AFG2A: variants seen among roughly 807,000 people sequenced by gnomAD.
AFG2A encodes AAA ATPase AFG2A.
At chr4:123,187,111 A>G in the AFG2A span, among the ~76,000 whole-genome samples, 1 of 152,214 alleles carries the variant, frequency 6.6e-6, no homozygotes, top group African/African-American at 2.4e-5. Flanking sequence ...TGTTTTGTAA[A>G]TAAGATAGGT....
chr4:123,086,979 A>G, the AFG2A span, among the ~76,000 whole-genome samples: 9 of 152,262 alleles, frequency 5.9e-5, no homozygotes, highest in Non-Finnish European at 1.0e-4. Context: ...TACTTTGTCC[A>G]TTAGAATCCT....
At chr4:122,970,091 T>A in the AFG2A span, among the ~76,000 whole-genome samples, 4 of 152,344 alleles carry the variant, frequency 2.6e-5, no homozygotes, top group Non-Finnish European at 5.9e-5. Context: ...TATAGTAATG[T>A]CCTGGGCCTT....
At chr4:123,134,450 C>T in the AFG2A span, among the ~76,000 whole-genome samples, 1 of 152,088 alleles carries the variant, frequency 6.6e-6, no homozygotes, top group African/African-American at 2.4e-5. Context: ...TGTCCTATTC[C>T]ATTCGTTGAT....
chr4:122,963,292 G>A, the AFG2A span, among the ~76,000 whole-genome samples: 1 of 152,212 alleles, frequency 6.6e-6, no homozygotes, highest in Non-Finnish European at 1.5e-5. Context: ...GGGAAATACT[G>A]TCATTCAAAG....
the AFG2A span, among the ~76,000 whole-genome samples, chr4:122,994,854 T>G: frequency 3.9e-5 from 6 of 152,296 alleles, no homozygotes; most frequent in South Asian, 1.0e-3. Flanking sequence ...TAAACATTTA[T>G]TTACTCCCAT....
the AFG2A span, among the ~76,000 whole-genome samples, chr4:122,993,421 C>T: frequency 6.6e-6 from 1 of 152,094 alleles, no homozygotes; most frequent in East Asian, 1.9e-4. Flanking sequence ...AATGACTACA[C>T]CAAAGACTTT....
chr4:123,077,046 G>T, the AFG2A span, among the ~76,000 whole-genome samples: 9 of 108,570 alleles, frequency 8.3e-5, no homozygotes, highest in African/African-American at 2.8e-4. Context: ...TCCTGTTGTT[G>T]TTTTTTTTTT....
chr4:122,963,234 GT>G, the AFG2A span, among the ~76,000 whole-genome samples: 2 of 152,186 alleles, frequency 1.3e-5, no homozygotes, highest in African/African-American at 4.8e-5. Context: ...TGGGTGTTAT[GT>G]GAATGATCAG....
At chr4:123,009,155 A>G in the AFG2A span, among the ~76,000 whole-genome samples, 1 of 152,210 alleles carries the variant, frequency 6.6e-6, no homozygotes, top group African/African-American at 2.4e-5. Flanking sequence ...ACACTTCTAG[A>G]TGTCCTTTTC....
At chr4:123,281,470 T>G in the AFG2A span, among the ~76,000 whole-genome samples, 25,590 of 151,956 alleles carry the variant, frequency 0.17, 2,541 homozygotes, top group African/African-American at 0.27. Flanking sequence ...GCCAGTGAGG[T>G]GTTGTCAGAT....
At chr4:123,069,788 A>C in the AFG2A span, among the ~76,000 whole-genome samples, 597 of 152,336 alleles carry the variant, frequency 3.9e-3, no homozygotes, top group African/African-American at 0.014. Context: ...AGCAATTACT[A>C]CATTTGAACA....
the AFG2A span, among the ~76,000 whole-genome samples, chr4:123,003,371 G>A: frequency 9.2e-5 from 14 of 152,354 alleles, no homozygotes; most frequent in African/African-American, 2.4e-4. Flanking sequence ...TTTGGAGGAG[G>A]AGAGGCGCTC....
the AFG2A span, chr4:122,934,573 TCAA>T: frequency 1.2e-4 from 193 of 1,613,642 alleles, 1 homozygote; most frequent in Non-Finnish European, 1.6e-4. Context: ...TTTTATTTCT[TCAA>T]CAACAAGAGT....
chr4:123,161,184 T>G, the AFG2A span, among the ~76,000 whole-genome samples: 1 of 152,234 alleles, frequency 6.6e-6, no homozygotes, highest in Non-Finnish European at 1.5e-5. Flanking sequence ...CTGAATTTTT[T>G]TTGATTGATT....
At chr4:123,304,951 T>G in the AFG2A span, among the ~76,000 whole-genome samples, 12 of 152,216 alleles carry the variant, frequency 7.9e-5, no homozygotes, top group Non-Finnish European at 5.9e-5. Context: ...AGCCATGACC[T>G]TGTGTGTACT....
the AFG2A span, among the ~76,000 whole-genome samples, chr4:123,065,937 A>C: frequency 3.9e-5 from 6 of 152,146 alleles, no homozygotes; most frequent in African/African-American, 1.4e-4. Context: ...TATGACTAGA[A>C]CATAAAAACA....
chr4:123,226,805 C>A, the AFG2A span, among the ~76,000 whole-genome samples: 1 of 152,100 alleles, frequency 6.6e-6, no homozygotes, highest in Non-Finnish European at 1.5e-5. Context: ...CTCCTTGTAC[C>A]TCTGGTAGAA....
the AFG2A span, among the ~76,000 whole-genome samples, chr4:123,109,611 T>C: frequency 6.6e-6 from 1 of 152,172 alleles, no homozygotes; most frequent in Non-Finnish European, 1.5e-5. Flanking sequence ...CTGTAGGTGC[T>C]CCAACCCATT....
the AFG2A span, among the ~76,000 whole-genome samples, chr4:123,195,335 G>A: frequency 1.1e-4 from 16 of 152,156 alleles, no homozygotes; most frequent in Admixed American, 5.9e-4. Flanking sequence ...ATACCAAAAT[G>A]TATTACAAAC....
Sources: gnomAD v4.1 joint callset for allele counts (sites outside exome capture counted in the v4.1 genomes callset) on GRCh38, gnomAD v4.1.1 for gene constraint, MANE v1.5 for transcripts, NCBI Gene and HGNC (gene_info 2026-07-23, HGNC 2026-07-21) for gene names.